The following CRACD variants were observed in gnomAD, a reference collection of about 807,000 sequenced individuals.
The protein encoded by CRACD is capping protein-inhibiting regulator of actin dynamics.
CRACD carries 56 observed loss-of-function variants against 106.8 expected under a neutral mutation model. The ratio of observed to expected loss-of-function variants is 0.52; its 90% CI spans 0.42 to 0.66. The LOEUF (loss-of-function observed/expected upper bound fraction) is 0.66, where lower values mean the gene tolerates loss of function less well. Ranked by LOEUF, CRACD falls within the 30% of genes least tolerant of loss-of-function variation. CRACD has a pLI of 0.00. For missense variants in CRACD, 1,730 were observed against 1,623.2 expected, an observed-to-expected ratio of 1.07 and a Z score of -1.13; for synonymous variants, 754 against 670.8, an observed-to-expected ratio of 1.12 and a Z score of -1.92.
chr4:56,069,892 C>T (rs1008676000), intron 1 of CRACD, among the ~76,000 whole-genome samples: 1 of 152,128 alleles, frequency 6.6e-6, no homozygotes, highest in Non-Finnish European at 1.5e-5. Context: ...CTAGAAGGGG[C>T]TTAATTAAAT....
At chr4:56,211,883 T>C (rs761198238) in intron 2 of CRACD, among the ~76,000 whole-genome samples, 3 of 152,172 alleles carry the variant, frequency 2.0e-5, no homozygotes, top group Non-Finnish European at 4.4e-5. Flanking sequence ...ATTTGACTTG[T>C]AGCTTGGCTT....
chr4:56,086,771 A>G (rs561387615), intron 1 of CRACD, among the ~76,000 whole-genome samples: 1 of 152,198 alleles, frequency 6.6e-6, no homozygotes, highest in African/African-American at 2.4e-5. Context: ...AAGTTGGTGA[A>G]TCAGCCTGGC....
intron 3 of CRACD, among the ~76,000 whole-genome samples, chr4:56,295,963 T>C (rs1744000546): frequency 6.6e-6 from 1 of 151,852 alleles, no homozygotes; most frequent in Non-Finnish European, 1.5e-5. Context: ...CCTAAAAGAG[T>C]GCCTCATATT....
chr4:56,231,566 A>C (rs930718361), intron 2 of CRACD, among the ~76,000 whole-genome samples: 32 of 152,210 alleles, frequency 2.1e-4, no homozygotes, highest in Non-Finnish European at 3.1e-4. Flanking sequence ...AATAATAGGA[A>C]GAACGAGAAG....
intron 1 of CRACD, among the ~76,000 whole-genome samples, chr4:56,150,513 G>A (rs1359767955): frequency 2.0e-5 from 3 of 152,092 alleles, no homozygotes; most frequent in Admixed American, 6.6e-5. Flanking sequence ...GCCAGCATCC[G>A]GAAACAACAC....
At chr4:56,213,906 A>G (rs1482470568) in intron 2 of CRACD, among the ~76,000 whole-genome samples, 2 of 152,232 alleles carry the variant, frequency 1.3e-5, no homozygotes, top group African/African-American at 4.8e-5. Flanking sequence ...CTGAATGACC[A>G]ACTGAAATAC....
chr4:56,187,685 T>C (rs1313869399), intron 2 of CRACD, among the ~76,000 whole-genome samples: 1 of 152,144 alleles, frequency 6.6e-6, no homozygotes, highest in East Asian at 1.9e-4. Flanking sequence ...TAAATAAATT[T>C]TTTTTTCTTC....
At chr4:56,065,814 A>G (rs1357405658) in intron 1 of CRACD, among the ~76,000 whole-genome samples, 1 of 152,160 alleles carries the variant, frequency 6.6e-6, no homozygotes, top group African/African-American at 2.4e-5. Context: ...CTGAAACTCT[A>G]TACCTGTTAA....
intron 2 of CRACD, among the ~76,000 whole-genome samples, chr4:56,190,482 G>A (rs1737321211): frequency 6.6e-6 from 1 of 152,122 alleles, no homozygotes; most frequent in Non-Finnish European, 1.5e-5. Flanking sequence ...GAAATAAAAA[G>A]TATTTCTTGA....
At chr4:56,223,040 T>TAA (rs36000908) in intron 2 of CRACD, among the ~76,000 whole-genome samples, 4 of 135,766 alleles carry the variant, frequency 2.9e-5, no homozygotes, top group South Asian at 4.6e-4. Context: ...CCAGTAAACT[T>TAA]AAAAAAAAAA....
In CRACD at chr4:56,315,009, C is replaced by G; in HGVS notation, c.1507C>G (p.Pro503Ala). The change falls in exon 8 of 11, where the codon CCT becomes GCT. Residue 503 changes from proline to alanine, a missense_variant. By Grantham distance (27) the Pro-to-Ala change is conservative. Around this residue, in one of 5 missense-constraint regions of CRACD, gnomAD observed 1,620 missense variants for 1,481.6 expected, o/e 1.09. Coordinates refer to ENST00000682029, the MANE Select transcript of CRACD (RefSeq NM_001393381.1). This position sits in a 1 kb window ranked among gnomAD's most constrained non-coding sequence, Gnocchi z 4.1. Reference sequence around the variant, plus strand: ...AGAGGGGCCGGTGGAAGCCGCGCAGCCTCCGGTGGAGAGGAAAGAAGCCGC... The same window carrying G: ...AGAGGGGCCGGTGGAAGCCGCGCAGGCTCCGGTGGAGAGGAAAGAAGCCGC... ...KQEGPVEAAQ[P>A]PVERKEAAAL... 6.3e-7 allele frequency: 1 copy of G among 1,588,600 alleles called. No individual in the cohort carries two copies.
chr4:56,327,037 G>GC (rs1450364146), intron 10 of CRACD, among the ~76,000 whole-genome samples: 1 of 152,166 alleles, frequency 6.6e-6, no homozygotes, highest in African/African-American at 2.4e-5. Flanking sequence ...ACCACGCCTG[G>GC]CCAGGAAGGT....
intron 2 of CRACD, among the ~76,000 whole-genome samples, chr4:56,198,435 C>A (rs1737725407): frequency 6.6e-6 from 1 of 152,120 alleles, no homozygotes; most frequent in Non-Finnish European, 1.5e-5. Flanking sequence ...AGATATTCTA[C>A]CCATCTGGTC....
chr4:56,112,971 G>T (rs1220597080), intron 1 of CRACD, among the ~76,000 whole-genome samples: 1 of 131,886 alleles, frequency 7.6e-6, no homozygotes, highest in African/African-American at 3.0e-5. Flanking sequence ...AACTAAAGGT[G>T]TTTTAAGACT....
intron 1 of CRACD, among the ~76,000 whole-genome samples, chr4:56,075,166 G>A (rs1732797715): frequency 6.6e-6 from 1 of 152,138 alleles, no homozygotes; most frequent in Non-Finnish European, 1.5e-5. Flanking sequence ...TTGTGTCTCT[G>A]CCAGATTTTG....
At chr4:56,104,945 C>T (rs13138694) in intron 1 of CRACD, among the ~76,000 whole-genome samples, 17,772 of 140,498 alleles carry the variant, frequency 0.13, 1,194 homozygotes, top group East Asian at 0.19. Flanking sequence ...CCAGCCTGGG[C>T]GACAGAGCAA....
chr4:56,253,012 G>T (rs1429361656), intron 2 of CRACD, among the ~76,000 whole-genome samples: 1 of 152,198 alleles, frequency 6.6e-6, no homozygotes, highest in Non-Finnish European at 1.5e-5. Flanking sequence ...CACTGGGCCT[G>T]ACCCCAGGGT....
intron 1 of CRACD, among the ~76,000 whole-genome samples, chr4:56,064,355 T>C (rs904680278): frequency 1.3e-5 from 2 of 152,236 alleles, no homozygotes; most frequent in African/African-American, 4.8e-5. Context: ...TATCCATGAA[T>C]GTGAAAGAGG....
At chr4:56,052,176 A>C (rs924985904) in intron 1 of CRACD, among the ~76,000 whole-genome samples, 1 of 152,220 alleles carries the variant, frequency 6.6e-6, no homozygotes, top group African/African-American at 2.4e-5. Flanking sequence ...GGCATGAACC[A>C]CTGCGCCCAG....
Sources: allele counts gnomAD v4.1 joint callset (sites outside exome capture counted in the v4.1 genomes callset), GRCh38; gene constraint gnomAD v4.1.1; regional missense constraint gnomAD v4.1.1; non-coding constraint Gnocchi (gnomAD v3.1); transcripts MANE v1.5; gene names NCBI Gene and HGNC (gene_info 2026-07-23, HGNC 2026-07-21).